ACTR10: variants seen among roughly 807,000 people sequenced by gnomAD.
The protein encoded by ACTR10 is actin-related protein 10.
A neutral mutation model predicts 56.2 loss-of-function variants in ACTR10; 43 were observed. The observed-to-expected ratio is 0.77, with a 90% CI of 0.60 to 0.99. The LOEUF (loss-of-function observed/expected upper bound fraction) is 0.99, where lower values mean the gene tolerates loss of function less well. Ranked by LOEUF, ACTR10 falls within the 50% of genes least tolerant of loss-of-function variation. The probability of loss-of-function intolerance (pLI) is 0.00; values close to 1 mark genes in which losing one functional copy is unlikely to be tolerated. For synonymous variants in ACTR10, 170 were observed against 176.3 expected (o/e 0.96, Z 0.28); for missense variants, 466 against 507.8 (o/e 0.92, Z 0.79).
chr14:58,232,404 CTTTTTTTTTTTTTTTTT>C (rs5808963), intron 12 of ACTR10, 137 bp downstream of exon 12: 3 of 135,734 alleles, frequency 2.2e-5, no homozygotes, highest in Non-Finnish European at 3.9e-5. Context: ...CTGACTTTTT[CTTTTTTTTTTTTTTTTT>C]TTTTTTTTTT....
chr14:58,207,927 T>C lies in ACTR10; in HGVS notation c.151-9T>C, dbSNP rs1888905425. 3 of 1,423,220 alleles carry C rather than the reference T, an allele frequency of 2.1e-6. No individual in the cohort carries two copies. Among genetic ancestry groups the C allele is most frequent in the Non-Finnish European group, 2.8e-6 (3 of 1,081,254 alleles). The allele number at this position is 1,423,220 out of a possible 1,614,324, so 88.2% of individuals were successfully genotyped here. On this transcript the variant is annotated splice_polypyrimidine_tract_variant and intron_variant, in intron 2 of 12. Coordinates refer to ENST00000254286, the MANE Select transcript of ACTR10 (RefSeq NM_018477.3). Reference sequence around the variant, plus strand: ...ATATAAATTAATAAATCATTTTAATTTTTTACAGCCTGTCAGAGTTGTTCA... The same window carrying C: ...ATATAAATTAATAAATCATTTTAATCTTTTACAGCCTGTCAGAGTTGTTCA...
chr14:58,205,272 G>A (rs1026538029), intron 2 of ACTR10, among the ~76,000 whole-genome samples: 23 of 150,346 alleles, frequency 1.5e-4, no homozygotes, highest in South Asian at 4.2e-4. Context: ...CAGAATAGAC[G>A]AGACCAGCAG....
Position 58,232,180 on chromosome 14 carries a change from A to T in ACTR10, c.985A>T (p.Lys329Ter). ...LLAEIRYLVE[K>*]PKYKKALGTK... is the part of the protein sequence containing the mutation. Reference sequence around the variant, plus strand: ...TGCAGAAATAAGGTATTTGGTAGAAAAACCAAAATATAAAAAAGCACTTGG... The same window carrying T: ...TGCAGAAATAAGGTATTTGGTAGAATAACCAAAATATAAAAAAGCACTTGG... Residue 329 changes from lysine (K) to a stop codon, truncating the protein, a stop_gained, in exon 12 of 13, where the codon AAA becomes TAA. Coordinates refer to ENST00000254286, the MANE Select transcript of ACTR10 (RefSeq NM_018477.3). LOFTEE classifies it high-confidence loss of function. The T allele has an allele frequency of 1.2e-6, 2 of 1,613,898 alleles. No individual in the cohort carries two copies. Among genetic ancestry groups the T allele is most frequent in the Non-Finnish European group, 1.7e-6 (2 of 1,179,946 alleles).
intron 4 of ACTR10, among the ~76,000 whole-genome samples, chr14:58,210,590 T>TC (rs1416754577): frequency 3.3e-5 from 5 of 152,154 alleles, no homozygotes; most frequent in Non-Finnish European, 7.4e-5. Context: ...GAATTTTTTT[T>TC]CTCTATTTTC....
At chr14:58,210,185 G>A (rs1452211920) in intron 4 of ACTR10, among the ~76,000 whole-genome samples, 1 of 151,956 alleles carries the variant, frequency 6.6e-6, no homozygotes, top group East Asian at 1.9e-4. Context: ...CCATTATTTT[G>A]TCTGCCATTC....
intron 6 of ACTR10, among the ~76,000 whole-genome samples, chr14:58,214,025 G>A (rs1012201993): frequency 6.6e-6 from 1 of 152,154 alleles, no homozygotes; most frequent in African/African-American, 2.4e-5. Flanking sequence ...AAACAATCCA[G>A]TTATACTCTT....
At chr14:58,201,647 T>G (rs1888705942) in intron 1 of ACTR10, among the ~76,000 whole-genome samples, 1 of 152,192 alleles carries the variant, frequency 6.6e-6, no homozygotes, top group African/African-American at 2.4e-5. Flanking sequence ...TTTAGCAAAT[T>G]TTTGTTTTAC....
chr14:58,235,397 A>C lies in ACTR10; in HGVS notation c.*846A>C, dbSNP rs533281711. ...CAAGCATTTGTTAAGCCAAGTGTGG[A>C]AATGTTCACTTTTTAACTTTACAGT... On this transcript the variant is annotated 3_prime_UTR_variant, in exon 13 of 13. Transcript: ENST00000254286. 1.3e-5 allele frequency: 2 copies of C among 152,234 alleles called. No individual in the cohort carries two copies. The highest frequency in any genetic ancestry group is 4.2e-4 in the South Asian group (2 of 4,818). 9.4% of individuals were successfully genotyped at this position (152,234 alleles called of 1,614,324 possible). A position where few individuals can be genotyped will look rare whatever the true frequency, so the allele number is the denominator to read the frequency against.
At chr14:58,212,088 C>G (rs527276706) in intron 5 of ACTR10, among the ~76,000 whole-genome samples, 2 of 152,066 alleles carry the variant, frequency 1.3e-5, no homozygotes, top group East Asian at 3.9e-4. Context: ...CTCAGCTAAG[C>G]TTTTTACTAC....
At chr14:58,221,003 G>T (rs544735170) in intron 8 of ACTR10, among the ~76,000 whole-genome samples, 1 of 152,262 alleles carries the variant, frequency 6.6e-6, no homozygotes, top group East Asian at 1.9e-4. Context: ...ATATGCAGGG[G>T]CTGGGCACGG....
rs561231141 is a variant in ACTR10, at chr14:58,220,053, T to G, written c.634+324T>G. On this transcript the variant is annotated intron_variant, in intron 8 of 12. Coordinates refer to ENST00000254286, the MANE Select transcript of ACTR10 (RefSeq NM_018477.3). The stretch of plus-strand genomic sequence containing the variant: ...CTACTGGTTTGATGTAGTATAATGT[T>G]TTTTACTCTAGTTTTCTTTATACAT... 1.6e-4 allele frequency among the ~76,000 whole-genome samples: 24 copies of G among 152,282 alleles called. No individual in the cohort carries two copies. The South Asian group carries it at 4.8e-3, about 30-fold the overall frequency.
At chr14:58,234,132 A>T (rs1481953477) in intron 12 of ACTR10, among the ~76,000 whole-genome samples, 1 of 152,226 alleles carries the variant, frequency 6.6e-6, no homozygotes, top group Non-Finnish European at 1.5e-5. Context: ...TTGTTATCAT[A>T]TTCACTATTA....
chr14:58,203,498 A>G (rs1014410460), intron 2 of ACTR10, among the ~76,000 whole-genome samples: 11 of 151,952 alleles, frequency 7.2e-5, no homozygotes, highest in South Asian at 2.1e-4. Context: ...AATCCCTAAT[A>G]CCCGTTTACA....
rs116234276 is a variant in ACTR10, at chr14:58,211,028, A to G, written c.343-264A>G. 7.8e-3 allele frequency: 2,393 copies of G among 306,710 alleles called. 50 individuals are homozygous for G. The highest frequency in any genetic ancestry group is 0.045 in the African/African-American group (2,046 of 45,200). The allele number at this position is 306,710 out of a possible 1,614,324, so 19.0% of individuals were successfully genotyped here. A position where few individuals can be genotyped will look rare whatever the true frequency, so the allele number is the denominator to read the frequency against. On this transcript the variant is annotated intron_variant, in intron 4 of 12. Coordinates refer to ENST00000254286, the MANE Select transcript of ACTR10 (RefSeq NM_018477.3). ...TTTTCCCTTCCAAAAGAGAACAAGA[A>G]TAAAGAAAAATGCTTCATAATTGTC...
At chr14:58,212,026 T>C (rs1053852567) in intron 5 of ACTR10, among the ~76,000 whole-genome samples, 10 of 152,090 alleles carry the variant, frequency 6.6e-5, no homozygotes, top group African/African-American at 2.4e-4. Flanking sequence ...TATGCCTTAA[T>C]GTTTACAAGC....
At chr14:58,229,665 A>G (rs905005469) in intron 10 of ACTR10, among the ~76,000 whole-genome samples, 1 of 147,818 alleles carries the variant, frequency 6.8e-6, no homozygotes, top group Non-Finnish European at 1.5e-5. Flanking sequence ...GCAACAGAGC[A>G]AGACTCTGTA....
intron 10 of ACTR10, 51 bp from the exon 11 acceptor site, chr14:58,230,348 T>C (rs1213513670): frequency 6.8e-6 from 7 of 1,034,018 alleles, no homozygotes; most frequent in Non-Finnish European, 1.0e-5. Context: ...TTCTGTGTAA[T>C]ATTATAATAC....
intron 12 of ACTR10, 104 bp downstream of exon 12, chr14:58,232,371 C>A: frequency 2.7e-6 from 2 of 740,894 alleles, no homozygotes; most frequent in Non-Finnish European, 4.1e-6. Context: ...TCAGAATTGC[C>A]CACTTTATAA....
chr14:58,213,415 G>A (rs1256000204), intron 5 of ACTR10: 6 of 397,530 alleles, frequency 1.5e-5, no homozygotes, highest in South Asian at 4.8e-5. Flanking sequence ...AATGAATTGT[G>A]TGTGGTCATG....
Sources: gnomAD v4.1 joint callset for allele counts (sites outside exome capture counted in the v4.1 genomes callset) on GRCh38, gnomAD v4.1.1 for gene constraint, MANE v1.5 for transcripts, NCBI Gene and HGNC (gene_info 2026-07-23, HGNC 2026-07-21) for gene names.